The following CROT variants were observed in gnomAD, a reference collection of about 807,000 sequenced individuals.
CROT encodes the protein peroxisomal carnitine O-octanoyltransferase.
In CROT, 84 loss-of-function variants were observed where a neutral mutation model predicts 89.2. The observed-to-expected ratio is 0.94, with a 90% confidence interval of 0.79 to 1.13. The LOEUF (loss-of-function observed/expected upper bound fraction) is 1.13. Ranked by LOEUF, CROT falls within the 50% of genes most tolerant of loss-of-function variation. CROT has a pLI of 0.00. For synonymous variants in CROT, 212 were observed against 239.5 expected, an observed-to-expected ratio of 0.89 and a Z score of 1.06; for missense variants, 711 against 727.8, an observed-to-expected ratio of 0.98 and a Z score of 0.27.
intron 7 of CROT, among the ~76,000 whole-genome samples, chr7:87,370,009 A>G (rs1430980241): frequency 6.6e-6 from 1 of 152,034 alleles, no homozygotes; most frequent in Non-Finnish European, 1.5e-5. Flanking sequence ...ATAAACTCAT[A>G]GTCAATGCTG....
At chr7:87,391,737 T>C (rs1353500595) in intron 14 of CROT, 25 bp downstream of exon 14, 1 of 1,595,508 alleles carries the variant, frequency 6.3e-7, no homozygotes, top group Non-Finnish European at 8.5e-7. Flanking sequence ...GGAAAAAAAC[T>C]CACAAGATTT....
At chr7:87,371,895 G>C (rs966870703) in intron 7 of CROT, among the ~76,000 whole-genome samples, 2 of 151,768 alleles carry the variant, frequency 1.3e-5, no homozygotes, top group Admixed American at 6.6e-5. Flanking sequence ...TTGGAAGGCT[G>C]GGGTGGGAGG....
chr7:87,387,966 G>C (rs906585149), intron 13 of CROT, among the ~76,000 whole-genome samples: 1 of 152,150 alleles, frequency 6.6e-6, no homozygotes, highest in African/African-American at 2.4e-5. Context: ...GAGTAGGACT[G>C]GAGCTGGGTT....
chr7:87,372,007 C>CAAAAAAAAAAAAAAAAAAAAAA (rs61300907), intron 7 of CROT, among the ~76,000 whole-genome samples: 4 of 124,002 alleles, frequency 3.2e-5, no homozygotes, highest in Non-Finnish European at 3.3e-5. Flanking sequence ...AAAAAAAAAA[C>CAAAAAAAAAAAAAAAAAAAAAA]AAAAAAAAAA....
At chr7:87,361,209 C>T (rs377332740) in intron 4 of CROT, among the ~76,000 whole-genome samples, 181 bp from the exon 5 acceptor site, 17 of 151,936 alleles carry the variant, frequency 1.1e-4, no homozygotes, top group East Asian at 9.7e-4. Flanking sequence ...GTGATCCTCC[C>T]ACCTTGGCCT....
intron 12 of CROT, 51 bp downstream of exon 12, chr7:87,382,232 C>A: frequency 6.7e-7 from 1 of 1,498,402 alleles, no homozygotes; most frequent in Non-Finnish European, 9.2e-7. Flanking sequence ...CTTTTAACAA[C>A]CATATGTAAA....
chr7:87,358,491 A>G (rs1806170006), intron 3 of CROT, among the ~76,000 whole-genome samples: 1 of 151,410 alleles, frequency 6.6e-6, no homozygotes, highest in African/African-American at 2.4e-5. Flanking sequence ...CAAAAAAAAA[A>G]AAAAAAAAAG....
At chr7:87,377,319 T>G in intron 9 of CROT, 30 bp from the exon 10 acceptor site, 1 of 1,433,506 alleles carries the variant, frequency 7.0e-7, no homozygotes, top group Non-Finnish European at 9.7e-7. Context: ...ATTAAACCCT[T>G]TTAATTTGGA....
intron 6 of CROT, among the ~76,000 whole-genome samples, 187 bp from the exon 7 acceptor site, chr7:87,369,189 G>A (rs962760019): frequency 6.6e-6 from 1 of 152,144 alleles, no homozygotes; most frequent in Non-Finnish European, 1.5e-5. Context: ...CAAGTGTCAG[G>A]AGTATGTATT....
chr7:87,354,825 C>T (rs889494605), intron 3 of CROT, among the ~76,000 whole-genome samples: 3 of 152,100 alleles, frequency 2.0e-5, no homozygotes, highest in Non-Finnish European at 4.4e-5. Context: ...GTTTTAACAT[C>T]GGGGACCAAA....
intron 7 of CROT, among the ~76,000 whole-genome samples, chr7:87,373,665 GA>G (rs1358590134): frequency 6.6e-6 from 1 of 151,984 alleles, no homozygotes; most frequent in Non-Finnish European, 1.5e-5. Context: ...GAGATTGAGA[GA>G]AAAAATGGTG....
chr7:87,365,077 G>T (rs925015647), intron 6 of CROT, among the ~76,000 whole-genome samples: 2 of 152,146 alleles, frequency 1.3e-5, no homozygotes, highest in Non-Finnish European at 2.9e-5. Context: ...GACATGCTGT[G>T]TTTTTTTCTT....
intron 3 of CROT, 93 bp downstream of exon 3, chr7:87,349,276 T>C (rs1805796202): frequency 1.8e-6 from 1 of 558,686 alleles, no homozygotes; most frequent in Non-Finnish European, 3.0e-6. Context: ...ATCCAGACTC[T>C]AAGAGAGAGT....
intron 3 of CROT, among the ~76,000 whole-genome samples, chr7:87,355,849 A>C (rs1341779241): frequency 6.6e-6 from 1 of 151,942 alleles, no homozygotes. Flanking sequence ...AGAAAGGAAA[A>C]GGGACAACAA....
intron 3 of CROT, among the ~76,000 whole-genome samples, chr7:87,354,602 A>G (rs1012474388): frequency 6.6e-6 from 1 of 152,204 alleles, no homozygotes; most frequent in Non-Finnish European, 1.5e-5. Context: ...TCATAACAAC[A>G]GTAAAATTAG....
At chr7:87,361,611 G>T (rs1770830677) in intron 5 of CROT, 40 bp downstream of exon 5, 2 of 1,538,936 alleles carry the variant, frequency 1.3e-6, no homozygotes, top group Admixed American at 4.2e-5. Context: ...CTTACCTGAA[G>T]TCTCAGGTAG....
chr7:87,390,544 C>T (rs1209757461), intron 13 of CROT, among the ~76,000 whole-genome samples: 4 of 152,192 alleles, frequency 2.6e-5, no homozygotes, highest in Non-Finnish European at 5.9e-5. Flanking sequence ...ACAGAAGAGG[C>T]TTGAAAACTG....
intron 17 of CROT, among the ~76,000 whole-genome samples, chr7:87,395,182 A>T (rs1350759178): frequency 6.6e-6 from 1 of 152,204 alleles, no homozygotes; most frequent in East Asian, 1.9e-4. Context: ...ACAGCTGAAG[A>T]AGTTAGAGTC....
intron 17 of CROT, among the ~76,000 whole-genome samples, chr7:87,396,487 T>C (rs1057088347): frequency 2.6e-5 from 4 of 152,156 alleles, no homozygotes; most frequent in Non-Finnish European, 5.9e-5. Context: ...CCTTCTATGA[T>C]AGGAGCATTG....
Sources: allele counts gnomAD v4.1 joint callset (sites outside exome capture counted in the v4.1 genomes callset), GRCh38; gene constraint gnomAD v4.1.1; transcripts MANE v1.5; gene names NCBI Gene and HGNC (gene_info 2026-07-23, HGNC 2026-07-21).